Variants in BRME1 observed in about 807,000 individuals in gnomAD.
BRME1 encodes break repair meiotic recombinase recruitment factor 1.
In BRME1, 31 loss-of-function variants were observed where a neutral mutation model predicts 52.6. The observed-to-expected ratio is 0.59, with a 90% CI of 0.44 to 0.80. BRME1 has a LOEUF of 0.80. BRME1 is among the 30% of genes least tolerant of loss of function. The probability of loss-of-function intolerance (pLI) is 0.00; values close to 1 mark genes in which losing one functional copy is unlikely to be tolerated. For synonymous variants in BRME1, 359 were observed against 353.6 expected, an observed-to-expected ratio of 1.02 and a Z score of -0.17; for missense variants, 804 against 860.3, an observed-to-expected ratio of 0.93 and a Z score of 0.82.
In BRME1 at chr19:13,882,499, C is replaced by T; in HGVS notation, c.*303G>A. 2.2e-6 allele frequency: 1 copy of T among 464,778 alleles called. No homozygotes were observed. Among genetic ancestry groups the T allele is most frequent in the East Asian group, 3.5e-5 (1 of 28,942 alleles). 28.8% of individuals were successfully genotyped at this position (464,778 alleles called of 1,614,324 possible). A position where few individuals can be genotyped will look rare whatever the true frequency, so the allele number is the denominator to read the frequency against. ...ACTTGGCTCAGGACCCTAAAATTTG[C>T]AAATCCGGACAGGATGGGCCCTGCT... is the stretch of plus-strand genomic sequence containing the variant. On this transcript the variant is annotated 3_prime_UTR_variant, in exon 9 of 9. Coordinates refer to ENST00000586783, the MANE Select transcript of BRME1 (RefSeq NM_001345843.2).
In BRME1 at chr19:13,889,914, G is replaced by A; in HGVS notation, c.942C>T (p.Thr314=). 1 of 1,612,770 alleles carries A rather than the reference G, an allele frequency of 6.2e-7. No homozygotes were observed. The change falls in exon 6 of 9, where the codon ACC becomes ACT. Residue 314 remains threonine, a synonymous_variant. Transcript: ENST00000586783. ...VAQGSPDPQQ[T]PSRMGREGEG... is the part of the protein sequence containing the mutation. ...CCCCTTCCCTACCCATCCTGCTGGG[G>A]GTCTGCTGGGGGTCAGGGGAGCCCT...
chr19:13,888,715 G>A lies in BRME1; in HGVS notation c.1668+473C>T, dbSNP rs1427922679. Among the ~76,000 whole-genome samples the A allele has an allele frequency of 6.6e-6, 1 of 152,204 alleles. No individual in the cohort carries two copies. The highest frequency in any genetic ancestry group is 2.4e-5 in the African/African-American group (1 of 41,446). ...GAAAAGAATCATATCAGGACCCCCA[G>A]AGGACCCTAAGGAGATGGGCAAAGG... On this transcript the variant is annotated intron_variant, in intron 6 of 8. Coordinates refer to ENST00000586783, the MANE Select transcript of BRME1 (RefSeq NM_001345843.2). The surrounding 1 kb of genome is among the most constrained non-coding windows in gnomAD (Gnocchi z 4.1).
chr19:13,892,784 A>C lies in BRME1; in HGVS notation c.393+2T>G. 1 of 1,610,794 alleles carries C rather than the reference A, an allele frequency of 6.2e-7. No individual in the cohort carries two copies. Among genetic ancestry groups the C allele is most frequent in the Non-Finnish European group, 8.5e-7 (1 of 1,176,948 alleles). Reference sequence around the variant, plus strand: ...TCAGCCTGGCTGATTTTAGAGCCTTACCAGGCTAAAGGCCCCACTCCCACG... The same window carrying C: ...TCAGCCTGGCTGATTTTAGAGCCTTCCCAGGCTAAAGGCCCCACTCCCACG... On this transcript the variant is annotated splice_donor_variant, in intron 5 of 8. Transcript: ENST00000586783. LOFTEE classifies it high-confidence loss of function.
At chr19:13,904,785 G>C in intron 2 of BRME1, 77 bp downstream of exon 2, 2 of 1,456,930 alleles carry the variant, frequency 1.4e-6, no homozygotes, top group South Asian at 1.1e-5. Flanking sequence ...GTGTTAGCCA[G>C]ATCTGCAATA....
At chr19:13,892,712 A>T in intron 5 of BRME1, 74 bp downstream of exon 5, 1 of 1,250,620 alleles carries the variant, frequency 8.0e-7, no homozygotes, top group Non-Finnish European at 1.2e-6. Context: ...CTCCAGGGTT[A>T]AATGGGGCTG....
At chr19:13,892,308 G>A (rs1339252009) in intron 5 of BRME1, among the ~76,000 whole-genome samples, 1 of 152,130 alleles carries the variant, frequency 6.6e-6, no homozygotes, top group African/African-American at 2.4e-5. Context: ...TGCTAAGGCC[G>A]TGCGCAGTGG....
In BRME1 at chr19:13,882,827, C is replaced by A. The variant is rs757923426; in HGVS notation, c.1982G>T (p.Gly661Val). The change falls in exon 9 of 9, where the codon GGG (glycine) becomes GTG (valine). Residue 661 changes from glycine (G) to valine (V), a missense_variant. By Grantham distance (109) the Gly-to-Val change is moderately radical. Coordinates refer to ENST00000586783, the MANE Select transcript of BRME1 (RefSeq NM_001345843.2). Reference sequence around the variant, plus strand: ...CTACAACTCCCTCCAGGGTGGGTCCCCTCGAGGGATATTCCCAGGCCCCTT... The same window carrying A: ...CTACAACTCCCTCCAGGGTGGGTCCACTCGAGGGATATTCCCAGGCCCCTT... ...PSKGPGNIPR[G>V]DPPWREL 1.9e-6 allele frequency: 3 copies of A among 1,613,974 alleles called. No homozygotes were observed. The Admixed American group carries it at 5.0e-5, about 27-fold the overall frequency.
At position 13,893,835 on chromosome 19, in the gene BRME1, T is replaced by C. The variant is rs1029357476; in HGVS notation, c.207-612A>G. Among the ~76,000 whole-genome samples, 19 of 152,034 alleles carry C rather than the reference T, an allele frequency of 1.2e-4. 1 individual carries two copies. The highest frequency in any genetic ancestry group is 2.5e-4 in the Non-Finnish European group (17 of 68,016). ...GAGAGGCTGAAATGTCACGATCATC[T>C]GAGCCAGGGGAGTTCAGGCTGCAAT... On this transcript the variant is annotated intron_variant, in intron 3 of 8. Transcript: ENST00000586783.
rs1031323065 is a variant in BRME1 at position 13,883,549 on chromosome 19, A to T, written c.1764-149T>A. 1.6e-6 allele frequency: 1 copy of T among 618,072 alleles called. No individual in the cohort carries two copies. The highest frequency in any genetic ancestry group is 2.9e-5 in the East Asian group (1 of 35,078). The allele number at this position is 618,072 out of a possible 1,614,324, so 38.3% of individuals were successfully genotyped here. Reference sequence around the variant, plus strand: ...GTTCACGACAGAACCCTGATGGCCAACCCAGCTGGCTCCACTGCCCAGCAG... The same window carrying T: ...GTTCACGACAGAACCCTGATGGCCATCCCAGCTGGCTCCACTGCCCAGCAG... On this transcript the variant is annotated intron_variant, in intron 7 of 8. Transcript: ENST00000586783. The surrounding 1 kb of genome is among the most constrained non-coding windows in gnomAD (Gnocchi z 4.2).
In BRME1 at chr19:13,889,995, G is replaced by C; in HGVS notation, c.861C>G (p.Gly287=). The C allele has an allele frequency of 6.2e-7, 1 of 1,612,940 alleles. No individual in the cohort carries two copies. The highest frequency in any genetic ancestry group is 1.1e-5 in the South Asian group (1 of 91,086). ...AGGCAGGGCCCAGTCCTGGAGCAGG[G>C]CCTGAGGTAGGAGCTGATGCTGGGG... The part of the protein sequence containing the change: ...PCTPASAPTS[G]PAPGLGPASW... Residue 287 remains glycine (G), a synonymous_variant, in exon 6 of 9, where the codon GGC becomes GGG. Transcript: ENST00000586783.
intron 6 of BRME1, among the ~76,000 whole-genome samples, chr19:13,887,720 T>C (rs1200714318): frequency 6.6e-6 from 1 of 152,056 alleles, no homozygotes; most frequent in East Asian, 1.9e-4. Flanking sequence ...ACTCCTGCCT[T>C]TCCCACATGC....
In BRME1 at chr19:13,889,329, C is replaced by T. The variant is rs778568972; in HGVS notation, c.1527G>A (p.Leu509=). 4 of 1,614,058 alleles carry T rather than the reference C, an allele frequency of 2.5e-6. No individual in the cohort carries two copies. The highest frequency in any genetic ancestry group is 2.7e-5 in the African/African-American group (2 of 74,924). ...QQGIPDTTSE[L]AGQRDHLPHS... Reference sequence around the variant, plus strand: ...GAGGCAGGTGGTCTCGCTGCCCTGCCAGCTCTGAGGTGGTGTCTGGAATGC... The same window carrying T: ...GAGGCAGGTGGTCTCGCTGCCCTGCTAGCTCTGAGGTGGTGTCTGGAATGC... The change falls in exon 6 of 9, where the codon CTG becomes CTA. Residue 509 remains leucine, a synonymous_variant. Coordinates refer to ENST00000586783, the MANE Select transcript of BRME1 (RefSeq NM_001345843.2).
chr19:13,898,009 G>C (rs1970027133), intron 2 of BRME1, among the ~76,000 whole-genome samples: 1 of 150,288 alleles, frequency 6.7e-6, no homozygotes, highest in African/African-American at 2.5e-5. Context: ...TGAGGCAGGA[G>C]AATCGCTTGA....
At chr19:13,897,697 C>A (rs8111991) in intron 2 of BRME1, among the ~76,000 whole-genome samples, 8 of 152,104 alleles carry the variant, frequency 5.3e-5, no homozygotes, top group Admixed American at 3.9e-4. Context: ...GAAACCCTGT[C>A]TAAAAAGTAC....
intron 5 of BRME1, among the ~76,000 whole-genome samples, chr19:13,891,357 C>T (rs1969489241): frequency 6.6e-6 from 1 of 152,048 alleles, no homozygotes; most frequent in Non-Finnish European, 1.5e-5. Flanking sequence ...CCATGTTGAC[C>T]AGGCTGGTCT....
In BRME1 at chr19:13,900,583, T is replaced by C. The variant is rs962980202; in HGVS notation, c.31+4279A>G. Among the ~76,000 whole-genome samples the C allele has an allele frequency of 3.3e-5, 5 of 152,328 alleles. No homozygotes were observed. The East Asian group carries it at 9.6e-4, about 29-fold the overall frequency. On this transcript the variant is annotated intron_variant, in intron 2 of 8. Transcript: ENST00000586783. ...TCCCTAAATTCATCAGCCACTAAAT[T>C]AAAAAGTCATTTCAAAATTTTGAAG...
Position 13,889,634 on chromosome 19 carries a change from G to A in BRME1, c.1222C>T (p.Pro408Ser). Reference sequence around the variant, plus strand: ...GTAGGGCCCACTAGGACATCGCCGGGGGGCTTGCCATCCTGCCCTGCCTCC... The same window carrying A: ...GTAGGGCCCACTAGGACATCGCCGGAGGGCTTGCCATCCTGCCCTGCCTCC... ...SGEAGQDGKP[P>S]GDVLVGPTAS... The change falls in exon 6 of 9, where the codon CCC becomes TCC. Residue 408 changes from proline (P) to serine (S), a missense_variant. Coordinates refer to ENST00000586783, the MANE Select transcript of BRME1 (RefSeq NM_001345843.2). The A allele has an allele frequency of 6.2e-7, 1 of 1,608,162 alleles. No individual in the cohort carries two copies. Among genetic ancestry groups the A allele is most frequent in the South Asian group, 1.1e-5 (1 of 90,628 alleles).
In BRME1 at chr19:13,888,933, G is replaced by A. The variant is rs1304833323; in HGVS notation, c.1668+255C>T. Among the ~76,000 whole-genome samples the A allele has an allele frequency of 2.0e-5, 3 of 152,134 alleles. No homozygotes were observed. The highest frequency in any genetic ancestry group is 2.1e-4 in the South Asian group (1 of 4,824). On this transcript the variant is annotated intron_variant, in intron 6 of 8. Transcript: ENST00000586783. This position sits in a 1 kb window ranked among gnomAD's most constrained non-coding sequence, Gnocchi z 4.1. ...GACTCCAGTTCAATGTGGGGGGCCCGGCTGAGAAAGCAGCTGTGTGTCACC... is the reference window on the plus strand; with the variant it reads ...GACTCCAGTTCAATGTGGGGGGCCCAGCTGAGAAAGCAGCTGTGTGTCACC...
At chr19:13,901,773 C>G (rs555282353) in intron 2 of BRME1, among the ~76,000 whole-genome samples, 1 of 151,898 alleles carries the variant, frequency 6.6e-6, no homozygotes, top group African/African-American at 2.4e-5. Flanking sequence ...CATGGTGGCT[C>G]ATGCCTGTAA....
Sources: gnomAD v4.1 joint callset for allele counts (sites outside exome capture counted in the v4.1 genomes callset) on GRCh38, gnomAD v4.1.1 for gene constraint, Gnocchi (gnomAD v3.1) non-coding constraint, MANE v1.5 for transcripts, NCBI Gene and HGNC (gene_info 2026-07-23, HGNC 2026-07-21) for gene names.